The following TOX variants were observed in gnomAD, a reference collection of about 807,000 sequenced individuals.
TOX encodes thymocyte selection associated high mobility group box.
In TOX, 11 loss-of-function variants were observed where a neutral mutation model predicts 53.7. The ratio of observed to expected loss-of-function variants is 0.20; its 90% CI spans 0.13 to 0.34. The LOEUF is 0.34. Ranked by LOEUF, TOX falls within the 10% of genes least tolerant of loss-of-function variation. The probability of loss-of-function intolerance (pLI) is 1.00; values close to 1 mark genes in which losing one functional copy is unlikely to be tolerated. For missense variants in TOX, 570 were observed against 664.6 expected (o/e 0.86, Z 1.56); for synonymous variants, 225 against 245.3 (o/e 0.92, Z 0.77).
Position 58,815,558 on chromosome 8 carries a change from C to G in TOX, c.1172G>C (p.Ser391Thr). 6.2e-7 allele frequency: 1 copy of G among 1,613,992 alleles called. No individual in the cohort carries two copies. Among genetic ancestry groups the G allele is most frequent in the Non-Finnish European group, 8.5e-7 (1 of 1,180,002 alleles). ...CTTGGGGGCTATGTTCCTGGGGAGA[C>G]TAGGATGCATGGCAGTTAGGTGAGG... Reference protein sequence around the residue: ...MNPHLTAMHPSLPRNIAPKPN... With the variant: ...MNPHLTAMHPTLPRNIAPKPN... The change falls in exon 7 of 9, where the codon AGT becomes ACT. Residue 391 changes from serine to threonine, a missense_variant. Ser to Thr is a moderately conservative substitution (Grantham distance 58). Coordinates refer to ENST00000361421, the MANE Select transcript of TOX (RefSeq NM_014729.3).
At chr8:58,826,737 G>A in intron 6 of TOX, 85 bp downstream of exon 6, 1 of 1,165,066 alleles carries the variant, frequency 8.6e-7, no homozygotes, top group South Asian at 1.7e-5. Flanking sequence ...AATCGTTAAA[G>A]TGATCTTTTA....
intron 1 of TOX, among the ~76,000 whole-genome samples, chr8:59,085,594 C>G (rs1456135135): frequency 2.0e-5 from 3 of 152,176 alleles, no homozygotes; most frequent in Non-Finnish European, 1.5e-5. Context: ...CCCTCTGTTG[C>G]CCAGGCTGGT....
At chr8:58,904,209 T>C (rs1811776747) in intron 3 of TOX, among the ~76,000 whole-genome samples, 1 of 152,194 alleles carries the variant, frequency 6.6e-6, no homozygotes, top group African/African-American at 2.4e-5. Context: ...ATTTACAAAA[T>C]GCCTCTACAT....
rs1044812158 is a variant in TOX, at chr8:58,842,184, GAGGAGACTGGGGTGAGTC to G, written c.694-3891_694-3874del. 5.3e-5 allele frequency among the ~76,000 whole-genome samples: 8 copies of G among 152,294 alleles called. No individual in the cohort carries two copies. In the South Asian group the frequency reaches 8.3e-4, roughly 16 times the overall value. Reference sequence around the variant, plus strand: ...GGTGTGTCTGTGAGGGTGGTTTCCAGAGGAGACTGGGGTGAGTCAGGAGACTGGGGTGAGTCAGCAGAC... The same window carrying G: ...GGTGTGTCTGTGAGGGTGGTTTCCAGAGGAGACTGGGGTGAGTCAGCAGAC... On this transcript the variant is annotated intron_variant, in intron 4 of 8. Coordinates refer to ENST00000361421, the MANE Select transcript of TOX (RefSeq NM_014729.3).
intron 1 of TOX, among the ~76,000 whole-genome samples, chr8:59,054,018 G>C (rs1170303635): frequency 2.0e-5 from 3 of 152,114 alleles, no homozygotes; most frequent in African/African-American, 7.2e-5. Flanking sequence ...AAATATCAGA[G>C]AGTGGTGAAA....
intron 2 of TOX, among the ~76,000 whole-genome samples, chr8:58,952,821 C>G (rs894951859): frequency 2.6e-5 from 4 of 152,198 alleles, no homozygotes; most frequent in Admixed American, 6.5e-5. Flanking sequence ...AAAAATGAAC[C>G]TTATATTCAC....
chr8:59,105,172 A>AT (rs760187082), intron 1 of TOX, among the ~76,000 whole-genome samples: 7 of 152,200 alleles, frequency 4.6e-5, no homozygotes, highest in Non-Finnish European at 7.3e-5. Context: ...CCCTATGCAA[A>AT]TATTTGTATA....
At chr8:58,907,830 G>C (rs1272462221) in intron 3 of TOX, among the ~76,000 whole-genome samples, 1 of 152,184 alleles carries the variant, frequency 6.6e-6, no homozygotes, top group African/African-American at 2.4e-5. Context: ...TAGATGCTCA[G>C]TTTCTTGTAC....
At chr8:58,939,261 A>C (rs781086024) in intron 3 of TOX, 41 bp downstream of exon 3, 1 of 1,607,990 alleles carries the variant, frequency 6.2e-7, no homozygotes, top group East Asian at 2.2e-5. Context: ...TCCTTATGGT[A>C]TCCCTCAGCC....
intron 1 of TOX, among the ~76,000 whole-genome samples, chr8:59,002,499 G>A (rs1451324310): frequency 6.6e-6 from 1 of 151,198 alleles, no homozygotes; most frequent in Non-Finnish European, 1.5e-5. Flanking sequence ...GGCTGAGGCA[G>A]GAGAATGGCG....
chr8:59,067,902 T>C (rs563249554), intron 1 of TOX, among the ~76,000 whole-genome samples: 50 of 152,354 alleles, frequency 3.3e-4, no homozygotes, highest in African/African-American at 1.2e-3. Flanking sequence ...ATATCTGTCA[T>C]TCCATTTCTG....
chr8:59,117,891 C>T lies in TOX; in HGVS notation c.102+995G>A, dbSNP rs1805134070. Among the ~76,000 whole-genome samples, 1 of 152,238 alleles carries T rather than the reference C, an allele frequency of 6.6e-6. No individual in the cohort carries two copies. Among genetic ancestry groups the T allele is most frequent in the Non-Finnish European group, 1.5e-5 (1 of 68,028 alleles). ...TTAGACACGTCCAACTAGCCCTAGG[C>T]GTGGGCAGTCGTGCCCCTGCGACCA... On this transcript the variant is annotated intron_variant, in intron 1 of 8. Coordinates refer to ENST00000361421, the MANE Select transcript of TOX (RefSeq NM_014729.3). The surrounding 1 kb of genome is among the most constrained non-coding windows in gnomAD (Gnocchi z 4.6).
At chr8:59,019,592 TGAC>T (rs1454560457) in intron 1 of TOX, among the ~76,000 whole-genome samples, 1 of 152,204 alleles carries the variant, frequency 6.6e-6, no homozygotes, top group African/African-American at 2.4e-5. Flanking sequence ...GTGTCTCAAT[TGAC>T]AAAATATTAA....
At chr8:58,809,068 A>G (rs1034458643) in intron 7 of TOX, among the ~76,000 whole-genome samples, 1 of 152,222 alleles carries the variant, frequency 6.6e-6, no homozygotes, top group Non-Finnish European at 1.5e-5. Flanking sequence ...GTGTATAGCT[A>G]TATCTGGTAA....
rs531223764 is a variant in TOX at position 59,104,125 on chromosome 8, C to T, written c.102+14761G>A. Among the ~76,000 whole-genome samples, 122 of 152,314 alleles carry T rather than the reference C, an allele frequency of 8.0e-4. 1 individual carries two copies. The highest frequency in any genetic ancestry group is 2.8e-3 in the African/African-American group (118 of 41,560). On this transcript the variant is annotated intron_variant, in intron 1 of 8. Coordinates refer to ENST00000361421, the MANE Select transcript of TOX (RefSeq NM_014729.3). ...ACATGTGAGTCCGCCCAGGGAAGTC[C>T]TCTCTGGCACATTGTTACTAGAAAT...
chr8:59,045,100 G>A (rs1803660160), intron 1 of TOX, among the ~76,000 whole-genome samples: 1 of 151,964 alleles, frequency 6.6e-6, no homozygotes. Flanking sequence ...CCTTTCTTGG[G>A]TGAAAATTAG....
At chr8:58,897,465 T>C (rs1811670431) in intron 3 of TOX, among the ~76,000 whole-genome samples, 1 of 152,192 alleles carries the variant, frequency 6.6e-6, no homozygotes, top group African/African-American at 2.4e-5. Context: ...ACCACAGGCA[T>C]GACAGGAACT....
At chr8:58,838,441 C>G (rs1261976730) in intron 4 of TOX, 130 bp from the exon 5 acceptor site, 2 of 701,370 alleles carry the variant, frequency 2.9e-6, no homozygotes, top group African/African-American at 3.6e-5. Context: ...TTCTAAGGGA[C>G]ACATTGTTTT....
chr8:59,022,439 A>G (rs1814154589), intron 1 of TOX, among the ~76,000 whole-genome samples: 1 of 152,170 alleles, frequency 6.6e-6, no homozygotes, highest in African/African-American at 2.4e-5. Flanking sequence ...CCATTTACAA[A>G]TGAAGAAATG....
Sources: gnomAD v4.1 joint callset for allele counts (sites outside exome capture counted in the v4.1 genomes callset) on GRCh38, gnomAD v4.1.1 for gene constraint, Gnocchi (gnomAD v3.1) non-coding constraint, MANE v1.5 for transcripts, NCBI Gene and HGNC (gene_info 2026-07-23, HGNC 2026-07-21) for gene names.